Variants in SNTB1 observed in about 807,000 individuals in gnomAD.
SNTB1 encodes syntrophin beta 1.
Under a neutral mutation model 48.9 loss-of-function variants are expected in SNTB1, and 36 were observed. The observed-to-expected ratio is 0.74, with a 90% CI of 0.56 to 0.97. The LOEUF is 0.97. SNTB1 is among the 50% of genes least tolerant of loss of function. SNTB1 has a pLI of 0.00. For missense variants in SNTB1, 786 were observed against 703.4 expected, an observed-to-expected ratio of 1.12 and a Z score of -1.33; for synonymous variants, 299 against 294.6, an observed-to-expected ratio of 1.01 and a Z score of -0.15.
At chr8:120,546,733 G>C (rs1815387182) in intron 5 of SNTB1, among the ~76,000 whole-genome samples, 1 of 152,106 alleles carries the variant, frequency 6.6e-6, no homozygotes, top group Non-Finnish European at 1.5e-5. Context: ...GCCTCCCAAA[G>C]TGCTGGAATT....
chr8:120,722,707 A>G (rs1040717138), intron 1 of SNTB1, among the ~76,000 whole-genome samples: 2 of 152,150 alleles, frequency 1.3e-5, no homozygotes, highest in African/African-American at 4.8e-5. Context: ...GTTCACTCTG[A>G]CAGTAGTTTC....
intron 2 of SNTB1, among the ~76,000 whole-genome samples, chr8:120,640,172 C>T (rs1490325216): frequency 1.3e-5 from 2 of 151,680 alleles, no homozygotes; most frequent in Admixed American, 6.6e-5. Context: ...TGATTTGGCT[C>T]TCTGTTTGTC....
intron 3 of SNTB1, among the ~76,000 whole-genome samples, chr8:120,582,624 C>T (rs1352424573): frequency 6.6e-6 from 1 of 152,006 alleles, no homozygotes; most frequent in East Asian, 1.9e-4. Flanking sequence ...ATGGATGAAG[C>T]TGGAAACCAT....
chr8:120,553,096 C>T (rs1815509879), intron 4 of SNTB1, among the ~76,000 whole-genome samples: 1 of 152,166 alleles, frequency 6.6e-6, no homozygotes, highest in Admixed American at 6.5e-5. Context: ...TGTGCAGTCC[C>T]ATTCCTAACA....
intron 2 of SNTB1, among the ~76,000 whole-genome samples, chr8:120,682,880 G>GTTTTTTTT (rs759021409): frequency 7.9e-6 from 1 of 127,388 alleles, no homozygotes; most frequent in African/African-American, 3.1e-5. Context: ...TTTGTTTTTA[G>GTTTTTTTT]TTTTTTTTTT....
intron 3 of SNTB1, among the ~76,000 whole-genome samples, chr8:120,609,476 G>T (rs1046994081): frequency 6.6e-6 from 1 of 152,216 alleles, no homozygotes; most frequent in African/African-American, 2.4e-5. Flanking sequence ...GCCATCAGAA[G>T]AGACTGCTGC....
chr8:120,706,668 C>T (rs1818380930), intron 1 of SNTB1, among the ~76,000 whole-genome samples: 1 of 152,190 alleles, frequency 6.6e-6, no homozygotes, highest in African/African-American at 2.4e-5. Context: ...ATTGTTTTTA[C>T]TCTTTGCTAG....
chr8:120,719,739 G>A (rs1483800522), intron 1 of SNTB1, among the ~76,000 whole-genome samples: 2 of 152,178 alleles, frequency 1.3e-5, no homozygotes, highest in East Asian at 3.9e-4. Context: ...AAACCAGGAT[G>A]TAGGGAAAGA....
In SNTB1 at chr8:120,537,114, T is replaced by A. The variant is rs1365489667; in HGVS notation, c.*1763A>T. 4 of 148,492 alleles carry A rather than the reference T, an allele frequency of 2.7e-5. No individual in the cohort carries two copies. Among genetic ancestry groups the A allele is most frequent in the Non-Finnish European group, 4.4e-5 (3 of 67,494 alleles). The allele number at this position is 148,492 out of a possible 1,614,324, so 9.2% of individuals were successfully genotyped here. A position where few individuals can be genotyped will look rare whatever the true frequency, so the allele number is the denominator to read the frequency against. ...AATAGAAATAAACAAAAAGTCAATA[T>A]CCTAAAGCTGTGTTTTCTAAAGCAT... On this transcript the variant is annotated 3_prime_UTR_variant, in exon 7 of 7. Coordinates refer to ENST00000517992, the MANE Select transcript of SNTB1 (RefSeq NM_021021.4).
chr8:120,741,426 T>C (rs868339016), intron 1 of SNTB1, among the ~76,000 whole-genome samples: 1 of 152,276 alleles, frequency 6.6e-6, no homozygotes, highest in East Asian at 1.9e-4. Flanking sequence ...CTGGCCAACA[T>C]GGCAAAATGC....
intron 1 of SNTB1, among the ~76,000 whole-genome samples, chr8:120,710,360 A>C (rs904842774): frequency 6.6e-6 from 1 of 152,220 alleles, no homozygotes; most frequent in Non-Finnish European, 1.5e-5. Context: ...AGTCAGATCA[A>C]TCCAGCTTAT....
chr8:120,614,720 CA>C (rs1816682782), intron 3 of SNTB1, among the ~76,000 whole-genome samples: 1 of 152,100 alleles, frequency 6.6e-6, no homozygotes, highest in African/African-American at 2.4e-5. Context: ...CCCTATTTCA[CA>C]GTTCGTAAAG....
chr8:120,711,271 A>G (rs1369373063), intron 1 of SNTB1, among the ~76,000 whole-genome samples: 1 of 152,176 alleles, frequency 6.6e-6, no homozygotes, highest in African/African-American at 2.4e-5. Flanking sequence ...TTGAAAGTGG[A>G]CTTGAAGTAT....
At chr8:120,736,991 A>C (rs924541774) in intron 1 of SNTB1, among the ~76,000 whole-genome samples, 4 of 152,150 alleles carry the variant, frequency 2.6e-5, no homozygotes, top group African/African-American at 9.7e-5. Flanking sequence ...ATGGAATTTA[A>C]ACCTAAATAT....
chr8:120,608,905 T>C (rs1816570197), intron 3 of SNTB1, among the ~76,000 whole-genome samples: 1 of 152,200 alleles, frequency 6.6e-6, no homozygotes, highest in Admixed American at 6.5e-5. Context: ...TAAGTGAGTA[T>C]TAAATGGATT....
intron 3 of SNTB1, among the ~76,000 whole-genome samples, chr8:120,590,370 A>C (rs942346965): frequency 2.0e-5 from 3 of 152,216 alleles, no homozygotes; most frequent in African/African-American, 7.2e-5. Flanking sequence ...ATTTCCTGCC[A>C]GTACCTAGTA....
chr8:120,592,494 T>G (rs4448320), intron 3 of SNTB1, among the ~76,000 whole-genome samples: 34,586 of 152,088 alleles, frequency 0.23, 4,136 homozygotes, highest in Middle Eastern at 0.3. Flanking sequence ...AGAGAATTTT[T>G]TAAAAAATTC....
At chr8:120,767,078 C>G (rs1339739525) in intron 1 of SNTB1, among the ~76,000 whole-genome samples, 1 of 152,182 alleles carries the variant, frequency 6.6e-6, no homozygotes. Flanking sequence ...ATCCTACTCT[C>G]CTCCATTTTC....
At chr8:120,740,816 G>T (rs2130003964) in intron 1 of SNTB1, among the ~76,000 whole-genome samples, 1 of 151,368 alleles carries the variant, frequency 6.6e-6, no homozygotes, top group African/African-American at 2.4e-5. Context: ...AATTGAAAAA[G>T]AAAAAGAAAA....
Sources: gnomAD v4.1 joint callset for allele counts (sites outside exome capture counted in the v4.1 genomes callset) on GRCh38, gnomAD v4.1.1 for gene constraint, MANE v1.5 for transcripts, NCBI Gene and HGNC (gene_info 2026-07-23, HGNC 2026-07-21) for gene names.